Variants in DOP1B observed in about 807,000 individuals in gnomAD.
DOP1B encodes the protein protein DOP1B.
DOP1B carries 174 observed loss-of-function variants against 233.5 expected under a neutral mutation model. The ratio of observed to expected loss-of-function variants is 0.75; its 90% CI spans 0.66 to 0.85. The LOEUF (loss-of-function observed/expected upper bound fraction) is 0.85, where lower values mean the gene tolerates loss of function less well. Among genes scored for constraint, DOP1B ranks in the 40% least tolerant of loss-of-function variants. DOP1B has a pLI of 0.00. For missense variants in DOP1B, 2,652 were observed against 2,846.6 expected (o/e 0.93, Z 1.56); for synonymous variants, 1,190 against 1,185.6 (o/e 1.00, Z -0.08).
rs369890994 is a variant in DOP1B, at chr21:36,289,105, G to A, written c.6414G>A (p.Val2138=). The change falls in exon 35 of 37, where the codon GTG becomes GTA. Residue 2138 remains valine, a synonymous_variant. Transcript: ENST00000691173. ...VSVPDANGPS[V]GEIPQSELIL... is the part of the protein sequence containing the mutation. ...TCCCGGATGCAAATGGACCCTCAGT[G>A]GGGGAGATACCCCAGAGTGAACTCA... The A allele has an allele frequency of 2.5e-6, 4 of 1,613,916 alleles. No individual in the cohort carries two copies. The highest frequency in any genetic ancestry group is 1.7e-5 in the Admixed American group (1 of 59,962).
intron 2 of DOP1B, among the ~76,000 whole-genome samples, chr21:36,177,388 A>G (rs1293052901): frequency 1.3e-5 from 2 of 152,294 alleles, no homozygotes; most frequent in Non-Finnish European, 2.9e-5. Flanking sequence ...TGTAGCCAGG[A>G]TAGTCTATTT....
In DOP1B at chr21:36,263,064, G is replaced by A. The variant is rs932269845; in HGVS notation, c.5316-482G>A. 7.9e-5 allele frequency among the ~76,000 whole-genome samples: 12 copies of A among 151,902 alleles called. No individual in the cohort carries two copies. The East Asian group carries it at 1.2e-3, about 15-fold the overall frequency. On this transcript the variant is annotated intron_variant, in intron 24 of 36. Coordinates refer to ENST00000691173, the MANE Select transcript of DOP1B (RefSeq NM_001320714.2). ...AGCCTGGGCAACACGGTGAAACCCC[G>A]TCGCTACTAAAAATACAAAATTAGC... is the stretch of plus-strand genomic sequence containing the variant.
chr21:36,288,628 G>A lies in DOP1B; in HGVS notation c.6298-128G>A, dbSNP rs545478364. 17 of 716,508 alleles carry A rather than the reference G, an allele frequency of 2.4e-5. 1 individual carries two copies. In the East Asian group the frequency reaches 4.1e-4, roughly 17 times the overall value. 44.4% of individuals were successfully genotyped at this position (716,508 alleles called of 1,614,324 possible). On this transcript the variant is annotated intron_variant, in intron 33 of 36. Coordinates refer to ENST00000691173, the MANE Select transcript of DOP1B (RefSeq NM_001320714.2). ...ATTGTACCACTGCACTCCAGACTGG[G>A]TGACAGAGTAAGACCCCGTCTTATT...
At chr21:36,223,205 T>C in intron 10 of DOP1B, 26 bp from the exon 11 acceptor site, 2 of 1,553,766 alleles carry the variant, frequency 1.3e-6, no homozygotes, top group Non-Finnish European at 1.7e-6. Flanking sequence ...TATAGACATA[T>C]TTATTCATGT....
chr21:36,242,127 G>A (rs2066898801), intron 18 of DOP1B, among the ~76,000 whole-genome samples: 1 of 146,638 alleles, frequency 6.8e-6, no homozygotes, highest in Non-Finnish European at 1.5e-5. Context: ...TAAGAGGAAA[G>A]CTCTATCTCC....
chr21:36,169,570 C>T, intron 2 of DOP1B: 2 of 1,089,424 alleles, frequency 1.8e-6, no homozygotes, highest in Non-Finnish European at 2.8e-6. Flanking sequence ...TCACAGGTAC[C>T]TGCTGCTGTA....
chr21:36,245,676 G>T lies in DOP1B; in HGVS notation c.3696G>T (p.Leu1232=), dbSNP rs1381338738. The change falls in exon 19 of 37, where the codon CTG becomes CTT. Residue 1232 remains leucine (L), a synonymous_variant. Transcript: ENST00000691173. This position sits in a 1 kb window ranked among gnomAD's most constrained non-coding sequence, Gnocchi z 5.5. ...TGTTCAAGCACATCCTGCTCTACCT[G>T]CAGCCCTACGACTCTCGGCGGGTCC... ...EALFKHILLY[L]QPYDSRRVLY... The T allele has an allele frequency of 1.9e-6, 3 of 1,613,726 alleles. No individual in the cohort carries two copies. The highest frequency in any genetic ancestry group is 2.5e-6 in the Non-Finnish European group (3 of 1,180,020).
intron 2 of DOP1B, among the ~76,000 whole-genome samples, chr21:36,197,464 A>C (rs2066304342): frequency 6.6e-6 from 1 of 152,160 alleles, no homozygotes; most frequent in Non-Finnish European, 1.5e-5. Context: ...TGCAGCTGGC[A>C]TTGCACATGT....
In DOP1B at chr21:36,226,813, C is replaced by T. The variant is rs552189177; in HGVS notation, c.1474-873C>T. Among the ~76,000 whole-genome samples, 17 of 152,194 alleles carry T rather than the reference C, an allele frequency of 1.1e-4. No individual in the cohort carries two copies. In the East Asian group the frequency reaches 1.2e-3, roughly 10 times the overall value. ...CTCACTGTGTTGCCCAGGCTGGTCT[C>T]GAACTCCTGAGCTCAAGCAATCTCC... On this transcript the variant is annotated intron_variant, in intron 12 of 36. Coordinates refer to ENST00000691173, the MANE Select transcript of DOP1B (RefSeq NM_001320714.2).
chr21:36,185,199 A>G (rs1462494912), intron 2 of DOP1B, among the ~76,000 whole-genome samples: 1 of 152,064 alleles, frequency 6.6e-6, no homozygotes, highest in African/African-American at 2.4e-5. Flanking sequence ...TTTTAATGGT[A>G]TGATTACTTT....
At chr21:36,260,894 C>T in intron 24 of DOP1B, 162 bp downstream of exon 24, 1 of 1,445,336 alleles carries the variant, frequency 6.9e-7, no homozygotes, top group South Asian at 1.5e-5. Context: ...TTGATCTATG[C>T]TTTTCCTTCT....
rs755053291 is a variant in DOP1B, at chr21:36,245,223, A to C, written c.3243A>C (p.Arg1081=). 5.0e-5 allele frequency: 80 copies of C among 1,613,966 alleles called. No homozygotes were observed. The highest frequency in any genetic ancestry group is 6.3e-5 in the Non-Finnish European group (74 of 1,180,046). Residue 1081 remains arginine (R), a synonymous_variant, in exon 19 of 37, where the codon CGA becomes CGC. Transcript: ENST00000691173. The surrounding 1 kb of genome is among the most constrained non-coding windows in gnomAD (Gnocchi z 5.5). ...AGGAGCCCGAGAAGTACCCGCTGCG[A>C]GGCGAGCTGAGCGAGGAAGAGCTGC... The part of the protein sequence containing the change: ...VEKEPEKYPL[R]GELSEEELPY...
chr21:36,164,599 T>G, intron 1 of DOP1B, 109 bp from the exon 2 acceptor site: 3 of 790,172 alleles, frequency 3.8e-6, no homozygotes, highest in Non-Finnish European at 5.6e-6. Flanking sequence ...GCCCAGTGAG[T>G]TTGTGCACAG....
At chr21:36,183,185 C>T (rs981632501) in intron 2 of DOP1B, among the ~76,000 whole-genome samples, 1 of 152,112 alleles carries the variant, frequency 6.6e-6, no homozygotes, top group African/African-American at 2.4e-5. Context: ...GCCCAGCTCT[C>T]TGTAGGATGC....
rs370723966 is a variant in DOP1B at position 36,246,687 on chromosome 21, G to C, written c.4697+10G>C. The C allele has an allele frequency of 3.1e-6, 5 of 1,595,866 alleles. No individual in the cohort carries two copies. The African/African-American group carries it at 6.7e-5, about 21-fold the overall frequency. On this transcript the variant is annotated intron_variant, in intron 19 of 36. Coordinates refer to ENST00000691173, the MANE Select transcript of DOP1B (RefSeq NM_001320714.2). This position sits in a 1 kb window ranked among gnomAD's most constrained non-coding sequence, Gnocchi z 5.1. The stretch of plus-strand genomic sequence containing the variant: ...TGAAGCTCTCTGTCAGGTGCGTTAC[G>C]CTCCTTGTGACATCTTTATTGCTTT...
intron 2 of DOP1B, chr21:36,170,608 A>AATAAAT (rs140555098): frequency 3.4e-5 from 5 of 146,952 alleles, no homozygotes; most frequent in African/African-American, 1.0e-4. Context: ...TAAATAAATA[A>AATAAAT]ATATATATAT....
At chr21:36,223,075 CATT>C (rs748045718) in intron 10 of DOP1B, among the ~76,000 whole-genome samples, 153 bp from the exon 11 acceptor site, 1 of 152,176 alleles carries the variant, frequency 6.6e-6, no homozygotes, top group Non-Finnish European at 1.5e-5. Context: ...TATGCAAACA[CATT>C]ATAAGAACAG....
At chr21:36,160,580 C>T (rs1348745540) in intron 1 of DOP1B, among the ~76,000 whole-genome samples, 3 of 148,216 alleles carry the variant, frequency 2.0e-5, no homozygotes, top group South Asian at 2.2e-4. Flanking sequence ...CAGGTTCAAA[C>T]TATTCTCCTG....
At position 36,248,540 on chromosome 21, in the gene DOP1B, C is replaced by A. The variant is rs749905365; in HGVS notation, c.4970C>A (p.Ser1657Tyr). Residue 1657 changes from serine (S) to tyrosine (Y), a missense_variant, in exon 21 of 37, where the codon TCC becomes TAC. By Grantham distance (144) the Ser-to-Tyr change is moderately radical (BLOSUM62 -2). Around this residue, in one of 3 missense-constraint regions of DOP1B, gnomAD observed 2,617 missense variants for 2,794.3 expected, o/e 0.94. Transcript: ENST00000691173. The part of the protein sequence containing the change: ...PVDLLGATKG[S>Y]SSVYFKTTKT... ...GATCTCCTAGGGGCCACGAAGGGAT[C>A]CTCTTCCGTTTACTTTAAAACCACC... is the stretch of plus-strand genomic sequence containing the variant. The A allele has an allele frequency of 1.2e-6, 2 of 1,611,258 alleles. No individual in the cohort carries two copies. The highest frequency in any genetic ancestry group is 1.7e-5 in the Admixed American group (1 of 59,188).
Sources: gnomAD v4.1 joint callset for allele counts (sites outside exome capture counted in the v4.1 genomes callset) on GRCh38, gnomAD v4.1.1 for gene constraint, gnomAD v4.1.1 regional missense constraint, Gnocchi (gnomAD v3.1) non-coding constraint, MANE v1.5 for transcripts, NCBI Gene and HGNC (gene_info 2026-07-23, HGNC 2026-07-21) for gene names.